CD2AP: variants seen among roughly 807,000 people sequenced by gnomAD.
CD2AP encodes CD2 associated protein.
In CD2AP, 46 loss-of-function variants were observed where a neutral mutation model predicts 85.1. That is an observed-to-expected ratio of 0.54 (90% CI 0.43 to 0.69). The LOEUF (loss-of-function observed/expected upper bound fraction) is 0.69, where lower values mean the gene tolerates loss of function less well. Among genes scored for constraint, CD2AP ranks in the 30% least tolerant of loss-of-function variants. The pLI is 0.00. For missense variants in CD2AP, 769 were observed against 729.5 expected, an observed-to-expected ratio of 1.05 and a Z score of -0.62; for synonymous variants, 255 against 252.9, an observed-to-expected ratio of 1.01 and a Z score of -0.08.
At chr6:47,483,814 CCT>C (rs1425819287) in intron 1 of CD2AP, among the ~76,000 whole-genome samples, 30 of 138,646 alleles carry the variant, frequency 2.2e-4, no homozygotes, top group African/African-American at 8.0e-4. Flanking sequence ...TTTTTTTGCT[CCT>C]GTCTCTTTTT....
chr6:47,529,191 C>A (rs1033188835), intron 2 of CD2AP, among the ~76,000 whole-genome samples: 1 of 111,896 alleles, frequency 8.9e-6, no homozygotes, highest in African/African-American at 3.6e-5. Flanking sequence ...CTGCCCCCCC[C>A]CCCCCCCCCA....
At chr6:47,605,155 TAATAC>T (rs1769235409) in intron 13 of CD2AP, among the ~76,000 whole-genome samples, 7 of 152,054 alleles carry the variant, frequency 4.6e-5, no homozygotes, top group South Asian at 4.1e-4. Context: ...TGTGAAGAAT[TAATAC>T]AGATCTGGAC....
chr6:47,519,055 A>G (rs1400281873), intron 2 of CD2AP, among the ~76,000 whole-genome samples: 1 of 152,186 alleles, frequency 6.6e-6, no homozygotes, highest in African/African-American at 2.4e-5. Context: ...AGGACTTTTT[A>G]TAGGTGGCAA....
At chr6:47,517,211 C>T (rs1766472286) in intron 2 of CD2AP, among the ~76,000 whole-genome samples, 1 of 152,078 alleles carries the variant, frequency 6.6e-6, no homozygotes, top group Non-Finnish European at 1.5e-5. Context: ...TGGAAGCTTC[C>T]TCAGGCCCTC....
intron 1 of CD2AP, among the ~76,000 whole-genome samples, chr6:47,479,151 C>T (rs1765383128): frequency 6.6e-6 from 1 of 152,084 alleles, no homozygotes; most frequent in Non-Finnish European, 1.5e-5. Context: ...AACAAAACAC[C>T]CTGTGTCTCT....
intron 1 of CD2AP, among the ~76,000 whole-genome samples, chr6:47,482,554 G>A (rs1815504): frequency 0.87 from 132,709 of 151,732 alleles, 58,341 homozygotes; most frequent in Non-Finnish European, 0.92. Context: ...AATTTTTTGT[G>A]TTTTTAGTGG....
At chr6:47,574,561 A>G (rs932520386) in intron 6 of CD2AP, among the ~76,000 whole-genome samples, 2 of 148,836 alleles carry the variant, frequency 1.3e-5, no homozygotes, top group African/African-American at 2.4e-5. Context: ...AGCTAAAATT[A>G]TATATAAATT....
chr6:47,620,443 A>G (rs567140079), intron 17 of CD2AP, among the ~76,000 whole-genome samples: 35 of 152,302 alleles, frequency 2.3e-4, no homozygotes, highest in Admixed American at 7.8e-4. Context: ...TGTTTTGGTG[A>G]CTGTGGCCTT....
At chr6:47,594,565 CTT>C (rs1768888790) in intron 11 of CD2AP, among the ~76,000 whole-genome samples, 1 of 151,908 alleles carries the variant, frequency 6.6e-6, no homozygotes, top group African/African-American at 2.4e-5. Flanking sequence ...TAAAACATCT[CTT>C]AATTTCTAGA....
chr6:47,585,622 A>G (rs1030351350), intron 11 of CD2AP, among the ~76,000 whole-genome samples: 3 of 152,188 alleles, frequency 2.0e-5, no homozygotes, highest in African/African-American at 7.2e-5. Context: ...CCGGGCAGCT[A>G]CAATTTGTGG....
rs1453436221 is a variant in CD2AP, at chr6:47,624,719, G to GTA, written c.*493_*494insAT. On this transcript the variant is annotated 3_prime_UTR_variant, in exon 18 of 18. Coordinates refer to ENST00000359314, the MANE Select transcript of CD2AP (RefSeq NM_012120.3). ...TGTGTGTGTGTGTGTGTGTGTGTGTGTGTATATATATATATATATTTTTAC... is the reference window on the plus strand; with the variant it reads ...TGTGTGTGTGTGTGTGTGTGTGTGTGTATGTATATATATATATATATTTTTAC... 17 of 127,382 alleles carry GTA rather than the reference G, an allele frequency of 1.3e-4. No homozygotes were observed. Among genetic ancestry groups the GTA allele is most frequent in the African/African-American group, 4.4e-4 (16 of 36,284 alleles). 7.9% of individuals were successfully genotyped at this position (127,382 alleles called of 1,614,324 possible).
At chr6:47,596,383 C>A (rs1284896853) in intron 12 of CD2AP, among the ~76,000 whole-genome samples, 1 of 152,072 alleles carries the variant, frequency 6.6e-6, no homozygotes, top group South Asian at 2.1e-4. Flanking sequence ...TCTATCTAAC[C>A]GTATGTATTC....
chr6:47,626,587 T>C lies in CD2AP; in HGVS notation c.*2360T>C, dbSNP rs1189124915. Reference sequence around the variant, plus strand: ...TTTCTGAATTGTATTTCAGTGTTATTTTTTGTTTGTGACCACTAAGCTTCT... The same window carrying C: ...TTTCTGAATTGTATTTCAGTGTTATCTTTTGTTTGTGACCACTAAGCTTCT... On this transcript the variant is annotated 3_prime_UTR_variant, in exon 18 of 18. Transcript: ENST00000359314. 1 of 152,406 alleles carries C rather than the reference T, an allele frequency of 6.6e-6. No individual in the cohort carries two copies. Among genetic ancestry groups the C allele is most frequent in the Admixed American group, 6.6e-5 (1 of 15,256 alleles). 9.4% of individuals were successfully genotyped at this position (152,406 alleles called of 1,614,324 possible). A position where few individuals can be genotyped will look rare whatever the true frequency, so the allele number is the denominator to read the frequency against.
At chr6:47,530,400 T>G (rs1463237764) in intron 2 of CD2AP, among the ~76,000 whole-genome samples, 1 of 152,206 alleles carries the variant, frequency 6.6e-6, no homozygotes, top group African/African-American at 2.4e-5. Flanking sequence ...ACAAAACCAT[T>G]TATCTGCTTT....
intron 13 of CD2AP, among the ~76,000 whole-genome samples, chr6:47,600,321 A>G (rs1244362937): frequency 1.3e-5 from 2 of 151,834 alleles, no homozygotes; most frequent in African/African-American, 4.8e-5. Context: ...TAATATTCTA[A>G]TTTTTCTAGC....
intron 16 of CD2AP, among the ~76,000 whole-genome samples, chr6:47,612,128 A>G (rs1472307731): frequency 6.6e-6 from 1 of 152,100 alleles, no homozygotes; most frequent in Non-Finnish European, 1.5e-5. Flanking sequence ...GTTGATATTC[A>G]TTTTACCAAA....
chr6:47,544,826 T>C (rs894867348), intron 4 of CD2AP, 120 bp downstream of exon 4: 1 of 680,888 alleles, frequency 1.5e-6, no homozygotes, highest in East Asian at 2.7e-5. Context: ...TTAAAAAAAA[T>C]GGTATAGAGT....
rs1044938531 is a variant in CD2AP, at chr6:47,624,861, A to G, written c.*634A>G. ...TATAAACCAGATTACTCACCCATGC[A>G]TATAGTAAGAACTAATGAATAATCA... On this transcript the variant is annotated 3_prime_UTR_variant, in exon 18 of 18. Transcript: ENST00000359314. 3 of 151,924 alleles carry G rather than the reference A, an allele frequency of 2.0e-5. No homozygotes were observed. The highest frequency in any genetic ancestry group is 1.9e-4 in the East Asian group (1 of 5,200). 9.4% of individuals were successfully genotyped at this position (151,924 alleles called of 1,614,324 possible).
chr6:47,515,211 A>G (rs1010247165), intron 2 of CD2AP, among the ~76,000 whole-genome samples: 11 of 152,316 alleles, frequency 7.2e-5, no homozygotes, highest in African/African-American at 2.6e-4. Context: ...ATGGGGGAGT[A>G]ATGGGATTTA....
Sources: allele counts gnomAD v4.1 joint callset (sites outside exome capture counted in the v4.1 genomes callset), GRCh38; gene constraint gnomAD v4.1.1; transcripts MANE v1.5; gene names NCBI Gene and HGNC (gene_info 2026-07-23, HGNC 2026-07-21).